LTBP1: variants seen among roughly 807,000 people sequenced by gnomAD.
LTBP1 encodes the protein latent-transforming growth factor beta-binding protein 1.
A neutral mutation model predicts 207.6 loss-of-function variants in LTBP1; 129 were observed. The observed-to-expected ratio is 0.62, with a 90% CI of 0.54 to 0.72. The LOEUF (loss-of-function observed/expected upper bound fraction) is 0.72. Among genes scored for constraint, LTBP1 ranks in the 30% least tolerant of loss-of-function variants. The probability of loss-of-function intolerance (pLI) is 0.00; values close to 1 mark genes in which losing one functional copy is unlikely to be tolerated. For missense variants in LTBP1, 2,281 were observed against 2,217.2 expected (o/e 1.03, Z -0.58); for synonymous variants, 963 against 833.7 (o/e 1.16, Z -2.67).
intron 22 of LTBP1, among the ~76,000 whole-genome samples, chr2:33,302,100 G>A (rs772975467): frequency 2.6e-5 from 4 of 152,154 alleles, no homozygotes; most frequent in East Asian, 1.9e-4. Flanking sequence ...GTCCAGTATC[G>A]TGCAGTCATC....
chr2:33,169,953 C>T (rs1039090406), intron 5 of LTBP1, among the ~76,000 whole-genome samples: 1 of 152,156 alleles, frequency 6.6e-6, no homozygotes, highest in East Asian at 1.9e-4. Context: ...GAAAAATATT[C>T]ACAGCTCAGA....
In LTBP1 at chr2:33,275,985, G is replaced by T. The variant is rs907402761; in HGVS notation, c.2992+62G>T. The T allele has an allele frequency of 1.0e-5, 15 of 1,498,456 alleles. No homozygotes were observed. The African/African-American group carries it at 2.1e-4, about 21-fold the overall frequency. The allele number at this position is 1,498,456 out of a possible 1,614,324, so 92.8% of individuals were successfully genotyped here. On this transcript the variant is annotated intron_variant, in intron 18 of 33. Transcript: ENST00000404816. ...GATGTGCAGGGTTGGTAGGCACCTT[G>T]CCTGGTTCTTGTTTCCTTCCCACAC...
chr2:33,397,462 AAT>A (rs2095369077), intron 33 of LTBP1, among the ~76,000 whole-genome samples, 180 bp downstream of exon 33: 1 of 151,642 alleles, frequency 6.6e-6, no homozygotes, highest in Non-Finnish European at 1.5e-5. Flanking sequence ...TATACTTAAA[AAT>A]GGTTAAAATG....
At position 33,077,515 on chromosome 2, in the gene LTBP1, G is replaced by C. The variant is rs1002704613; in HGVS notation, c.864-33067G>C. On this transcript the variant is annotated intron_variant, in intron 3 of 33. Coordinates refer to ENST00000404816, the MANE Select transcript of LTBP1 (RefSeq NM_206943.4). ...CATCTTCACATGGCCAGAGCAGGAG[G>C]AAGAGAGAGGGGGGTGAGGTGTCAC... is the stretch of plus-strand genomic sequence containing the variant. Among the ~76,000 whole-genome samples, 4 of 152,272 alleles carry C rather than the reference G, an allele frequency of 2.6e-5. No homozygotes were observed. The East Asian group carries it at 5.8e-4, about 22-fold the overall frequency.
intron 24 of LTBP1, among the ~76,000 whole-genome samples, chr2:33,333,234 T>C (rs1364957081): frequency 6.6e-6 from 1 of 152,100 alleles, no homozygotes; most frequent in Admixed American, 6.6e-5. Context: ...TTGTAGAGTT[T>C]TTTTTTTTCT....
intron 3 of LTBP1, among the ~76,000 whole-genome samples, chr2:33,092,996 ATTCCT>A (rs1399416685): frequency 6.6e-6 from 1 of 152,164 alleles, no homozygotes; most frequent in East Asian, 1.9e-4. Flanking sequence ...AGTTTCATAA[ATTCCT>A]TTCATTTCTG....
intron 2 of LTBP1, among the ~76,000 whole-genome samples, chr2:32,988,529 T>G (rs1478772446): frequency 6.6e-6 from 1 of 152,230 alleles, no homozygotes; most frequent in Non-Finnish European, 1.5e-5. Context: ...ATGATGTATT[T>G]CATTGGGAAA....
intron 19 of LTBP1, among the ~76,000 whole-genome samples, chr2:33,292,519 A>G (rs1404216093): frequency 1.3e-5 from 2 of 152,196 alleles, no homozygotes; most frequent in Admixed American, 6.5e-5. Context: ...TGATGTATGT[A>G]AAGCTTTTAA....
At chr2:33,185,971 A>G (rs762696109) in intron 5 of LTBP1, among the ~76,000 whole-genome samples, 1 of 152,230 alleles carries the variant, frequency 6.6e-6, no homozygotes, top group Non-Finnish European at 1.5e-5. Flanking sequence ...TTCATTAGTG[A>G]TAAAGAGGTT....
In LTBP1 at chr2:33,052,233, A is replaced by T. The variant is rs561966430; in HGVS notation, c.863+31027A>T. Among the ~76,000 whole-genome samples, 13 of 152,362 alleles carry T rather than the reference A, an allele frequency of 8.5e-5. No individual in the cohort carries two copies. In the South Asian group the frequency reaches 2.7e-3, roughly 32 times the overall value. On this transcript the variant is annotated intron_variant, in intron 3 of 33. Transcript: ENST00000404816. ...AAACCCATGAGCTCTCTCATTCCAAAGTTTACCGATTGCCAAATACTTGGG... is the reference window on the plus strand; with the variant it reads ...AAACCCATGAGCTCTCTCATTCCAATGTTTACCGATTGCCAAATACTTGGG...
intron 3 of LTBP1, among the ~76,000 whole-genome samples, chr2:33,078,862 C>CTTTTTTTTTT (rs34843933): frequency 0.042 from 4,471 of 106,182 alleles, 170 homozygotes; most frequent in South Asian, 0.1. Flanking sequence ...CTTTTCTTTT[C>CTTTTTTTTTT]TTTTTTTTTT....
At chr2:33,314,285 C>T (rs1248586932) in intron 23 of LTBP1, among the ~76,000 whole-genome samples, 1 of 152,182 alleles carries the variant, frequency 6.6e-6, no homozygotes, top group African/African-American at 2.4e-5. Context: ...CATGGTGGCT[C>T]ACCTCTGTAA....
At chr2:33,091,524 GTT>G (rs201777951) in intron 3 of LTBP1, among the ~76,000 whole-genome samples, 6 of 152,048 alleles carry the variant, frequency 3.9e-5, no homozygotes, top group African/African-American at 1.4e-4. Flanking sequence ...ACTATTCTCT[GTT>G]CTCTCTTTTA....
At position 33,344,791 on chromosome 2, in the gene LTBP1, C is replaced by T. The variant is rs568876917; in HGVS notation, c.3856+1828C>T. 1.4e-4 allele frequency among the ~76,000 whole-genome samples: 22 copies of T among 152,328 alleles called. No individual in the cohort carries two copies. In the South Asian group the frequency reaches 4.6e-3, roughly 32 times the overall value. On this transcript the variant is annotated intron_variant, in intron 25 of 33. Transcript: ENST00000404816. Reference sequence around the variant, plus strand: ...ACTTCTCCCTGGGCAGGGCACGATGCTTGGCTTATTATAGGTGCTCAGTAA... The same window carrying T: ...ACTTCTCCCTGGGCAGGGCACGATGTTTGGCTTATTATAGGTGCTCAGTAA...
At chr2:33,031,709 C>T (rs1384378606) in intron 3 of LTBP1, among the ~76,000 whole-genome samples, 1 of 152,112 alleles carries the variant, frequency 6.6e-6, no homozygotes, top group South Asian at 2.1e-4. Flanking sequence ...GAATGATTCT[C>T]CTGTTGGGGA....
chr2:33,288,013 G>T (rs1297271546), intron 19 of LTBP1, among the ~76,000 whole-genome samples: 1 of 152,186 alleles, frequency 6.6e-6, no homozygotes, highest in African/African-American at 2.4e-5. Context: ...ATTTGGGGTA[G>T]GGGATAATCC....
At chr2:33,254,404 G>A (rs2092770110) in intron 11 of LTBP1, among the ~76,000 whole-genome samples, 1 of 152,016 alleles carries the variant, frequency 6.6e-6, no homozygotes, top group Admixed American at 6.6e-5. Flanking sequence ...CATAAATTGA[G>A]ATGGTGACTG....
chr2:33,113,413 A>G, intron 4 of LTBP1, among the ~76,000 whole-genome samples: 1 of 152,206 alleles, frequency 6.6e-6, no homozygotes, highest in Non-Finnish European at 1.5e-5. Flanking sequence ...GATGGAGGTG[A>G]TGGATTTAGT....
intron 3 of LTBP1, among the ~76,000 whole-genome samples, chr2:33,036,628 T>C (rs2075940037): frequency 6.6e-6 from 1 of 152,086 alleles, no homozygotes; most frequent in Non-Finnish European, 1.5e-5. Flanking sequence ...TGGCTAAGTT[T>C]TGTATTTTTA....
Sources: gnomAD v4.1 joint callset for allele counts (sites outside exome capture counted in the v4.1 genomes callset) on GRCh38, gnomAD v4.1.1 for gene constraint, MANE v1.5 for transcripts, NCBI Gene and HGNC (gene_info 2026-07-23, HGNC 2026-07-21) for gene names.